AOPEP: variants seen among roughly 807,000 people sequenced by gnomAD.
AOPEP encodes aminopeptidase O.
In AOPEP, 77 loss-of-function variants were observed where a neutral mutation model predicts 98.1. That is an observed-to-expected ratio of 0.78 (90% CI 0.65 to 0.95). The LOEUF (loss-of-function observed/expected upper bound fraction) is 0.95, where lower values mean the gene tolerates loss of function less well. AOPEP is among the 40% of genes least tolerant of loss of function. The pLI is 0.00. For missense variants in AOPEP, 1,024 were observed against 1,024.7 expected (o/e 1.00, Z 0.01); for synonymous variants, 346 against 365.3 (o/e 0.95, Z 0.60).
chr9:95,020,806 T>C lies in AOPEP; in HGVS notation c.2115+15190T>C, dbSNP rs185577115. Among the ~76,000 whole-genome samples the C allele has an allele frequency of 2.7e-5, 4 of 149,672 alleles. No individual in the cohort carries two copies. In the East Asian group the frequency reaches 7.9e-4, roughly 30 times the overall value. On this transcript the variant is annotated intron_variant, in intron 13 of 16. Coordinates refer to ENST00000375315, the MANE Select transcript of AOPEP (RefSeq NM_001193329.3). ...GGTGGTGCATGGCTGTGGTCCCAGCTACTCAGGAGGCTGAGGTGGGAGGAT... is the reference window on the plus strand; with the variant it reads ...GGTGGTGCATGGCTGTGGTCCCAGCCACTCAGGAGGCTGAGGTGGGAGGAT...
the AOPEP span, among the ~76,000 whole-genome samples, chr9:95,098,338 TTTCTGTCCTAGCTCCC>T: frequency 1.1e-5 from 1 of 87,496 alleles, no homozygotes; most frequent in Non-Finnish European, 3.6e-5. Context: ...CTAGCTCCCA[TTTCTGTCCTAGCTCCC>T]ATTTCTGTCC....
At chr9:95,020,611 T>C (rs62579893) in intron 13 of AOPEP, among the ~76,000 whole-genome samples, 28 of 150,952 alleles carry the variant, frequency 1.9e-4, no homozygotes, top group Admixed American at 8.6e-4. Flanking sequence ...GACAGTATTA[T>C]TTAAAAAAAA....
At chr9:94,943,765 A>G (rs1483909033) in intron 7 of AOPEP, among the ~76,000 whole-genome samples, 6 of 146,084 alleles carry the variant, frequency 4.1e-5, no homozygotes, top group Non-Finnish European at 9.0e-5. Flanking sequence ...CTAAACATAC[A>G]AACAATTAGC....
chr9:94,754,087 C>A (rs998724839), intron 1 of AOPEP, among the ~76,000 whole-genome samples: 1 of 152,124 alleles, frequency 6.6e-6, no homozygotes, highest in South Asian at 2.1e-4. Flanking sequence ...TATTTCAAAA[C>A]CATTGAGTGA....
At chr9:94,797,899 T>C (rs1374168503) in intron 4 of AOPEP, among the ~76,000 whole-genome samples, 2 of 152,064 alleles carry the variant, frequency 1.3e-5, no homozygotes, top group African/African-American at 4.8e-5. Context: ...GAGATGGGTT[T>C]TACCGTGTTG....
chr9:95,075,924 C>A (rs910981018), intron 14 of AOPEP, among the ~76,000 whole-genome samples: 2 of 152,216 alleles, frequency 1.3e-5, no homozygotes, highest in African/African-American at 4.8e-5. Context: ...AATAGAATGC[C>A]TAAGCTGCCC....
intron 5 of AOPEP, among the ~76,000 whole-genome samples, chr9:94,808,732 A>G (rs1849806254): frequency 6.6e-6 from 1 of 152,236 alleles, no homozygotes; most frequent in African/African-American, 2.4e-5. Context: ...GAAAGTGTGA[A>G]TGATATTTGG....
intron 13 of AOPEP, among the ~76,000 whole-genome samples, chr9:95,035,049 C>T (rs1379221007): frequency 6.6e-6 from 1 of 150,962 alleles, no homozygotes; most frequent in Non-Finnish European, 1.5e-5. Flanking sequence ...ATACATGTGC[C>T]ATGTTGGTTT....
chr9:94,964,919 G>A (rs928687009), intron 9 of AOPEP, among the ~76,000 whole-genome samples: 25 of 152,026 alleles, frequency 1.6e-4, no homozygotes, highest in African/African-American at 3.1e-4. Flanking sequence ...GATTACAGGC[G>A]TGAGACACCA....
intron 5 of AOPEP, among the ~76,000 whole-genome samples, chr9:94,845,322 G>T (rs2042726940): frequency 6.6e-6 from 1 of 152,204 alleles, no homozygotes; most frequent in Non-Finnish European, 1.5e-5. Context: ...CCAGGCTGCT[G>T]GTGTTGAATG....
chr9:95,043,251 T>TACATATATACATATATATACAG lies in AOPEP; in HGVS notation c.2116-17442_2116-17441insCATATATACATATATATACAGA, dbSNP rs1554814055. Among the ~76,000 whole-genome samples the TACATATATACATATATATACAG allele has an allele frequency of 5.5e-3, 817 of 147,662 alleles. 7 individuals are homozygous for TACATATATACATATATATACAG. Among genetic ancestry groups the TACATATATACATATATATACAG allele is most frequent in the African/African-American group, 0.018 (733 of 40,596 alleles). ...GCATATATATACAGATATATACAGA[T>TACATATATACATATATATACAG]ATATATATACATATATATCTGTATA... On this transcript the variant is annotated intron_variant, in intron 13 of 16. Transcript: ENST00000375315.
At chr9:95,126,558 G>A in the AOPEP span, 6 of 1,614,034 alleles carry the variant, frequency 3.7e-6, no homozygotes, top group Non-Finnish European at 5.1e-6. Flanking sequence ...CCCGGAATAT[G>A]GCAGGGTGGC....
At chr9:95,052,095 C>T (rs954073209) in intron 13 of AOPEP, among the ~76,000 whole-genome samples, 4 of 152,152 alleles carry the variant, frequency 2.6e-5, no homozygotes, top group Admixed American at 2.6e-4. Context: ...TCATGTGTTG[C>T]TATATAAATT....
At position 94,967,761 on chromosome 9, in the gene AOPEP, T is replaced by A; in HGVS notation, c.1876T>A (p.Phe626Ile). The change falls in exon 10 of 17, where the codon TTC (phenylalanine) becomes ATC (isoleucine). Residue 626 changes from phenylalanine to isoleucine, a missense_variant. Phe to Ile is a conservative substitution (Grantham distance 21). Around this residue, in one of 3 missense-constraint regions of AOPEP, gnomAD observed 566 missense variants for 551.7 expected, o/e 1.03. Coordinates refer to ENST00000375315, the MANE Select transcript of AOPEP (RefSeq NM_001193329.3). ...GATTTGCTTTTTTTAATCCCAGGAT[T>A]TCCTTCAAATGCTACTGGAGAACAT... ...FHGQLILSQD[F>I]LQMLLENIPE... The A allele has an allele frequency of 6.2e-7, 1 of 1,613,292 alleles. No homozygotes were observed. The highest frequency in any genetic ancestry group is 8.5e-7 in the Non-Finnish European group (1 of 1,179,202).
At chr9:94,782,562 G>A (rs983673933) in intron 3 of AOPEP, among the ~76,000 whole-genome samples, 4 of 152,194 alleles carry the variant, frequency 2.6e-5, no homozygotes, top group Non-Finnish European at 5.9e-5. Context: ...CAAATGAGCA[G>A]TACTATTTAG....
the AOPEP span, chr9:95,117,395 C>A: frequency 1.2e-6 from 2 of 1,612,890 alleles, no homozygotes; most frequent in South Asian, 1.1e-5. Flanking sequence ...CCGCAGCTGC[C>A]ACAGGATGGA....
chr9:95,044,271 A>ATATTTT (rs1491193892), intron 13 of AOPEP, among the ~76,000 whole-genome samples: 2 of 152,132 alleles, frequency 1.3e-5, no homozygotes, highest in African/African-American at 4.8e-5. Context: ...CTATTTTAAC[A>ATATTTT]TATTTTCATC....
the AOPEP span, among the ~76,000 whole-genome samples, chr9:95,122,649 C>T: frequency 2.6e-5 from 4 of 152,156 alleles, no homozygotes; most frequent in African/African-American, 9.7e-5. Context: ...AACATCAGTC[C>T]CAATCCATAG....
At chr9:94,806,404 T>G (rs1481503860) in intron 5 of AOPEP, among the ~76,000 whole-genome samples, 1 of 152,232 alleles carries the variant, frequency 6.6e-6, no homozygotes, top group South Asian at 2.1e-4. Flanking sequence ...AACAGGTGGG[T>G]GTGAATGATA....
Sources: gnomAD v4.1 joint callset for allele counts (sites outside exome capture counted in the v4.1 genomes callset) on GRCh38, gnomAD v4.1.1 for gene constraint, gnomAD v4.1.1 regional missense constraint, MANE v1.5 for transcripts, NCBI Gene and HGNC (gene_info 2026-07-23, HGNC 2026-07-21) for gene names.